The following VIPAS39 variants were observed in gnomAD, a reference collection of about 807,000 sequenced individuals.
VIPAS39 encodes VPS33B interacting protein, apical-basolateral polarity regulator, spe-39 homolog, also known as spermatogenesis-defective protein 39 homolog.
In VIPAS39, 63 loss-of-function variants were observed where a neutral mutation model predicts 84.7. The observed-to-expected ratio is 0.74, with a 90% CI of 0.61 to 0.92. The LOEUF (loss-of-function observed/expected upper bound fraction) is 0.92. VIPAS39 is among the 40% of genes least tolerant of loss of function. VIPAS39 has a pLI of 0.00. For missense variants in VIPAS39, 499 were observed against 604.5 expected (o/e 0.83, Z 1.83); for synonymous variants, 192 against 216.5 (o/e 0.89, Z 0.99).
Position 77,457,568 on chromosome 14 carries a change from G to T in VIPAS39, c.-74C>A. 3.2e-6 allele frequency: 2 copies of T among 617,832 alleles called. No homozygotes were observed. The highest frequency in any genetic ancestry group is 5.6e-6 in the Non-Finnish European group (2 of 353,992). 38.3% of individuals were successfully genotyped at this position (617,832 alleles called of 1,614,324 possible). ...CCGCTGGACCAGCCCTTCTATTCAG[G>T]CTGTGCAGCTTAGAGAAGGGGGCGG... On this transcript the variant is annotated 5_prime_UTR_variant, in exon 1 of 20. Coordinates refer to ENST00000557658, the MANE Select transcript of VIPAS39 (RefSeq NM_001193315.2).
At chr14:77,447,568 G>T (rs1295639885) in intron 7 of VIPAS39, among the ~76,000 whole-genome samples, 1 of 152,178 alleles carries the variant, frequency 6.6e-6, no homozygotes, top group Non-Finnish European at 1.5e-5. Context: ...AGATCTACAT[G>T]GGGAAAACAA....
At chr14:77,448,408 G>A in intron 7 of VIPAS39, 86 bp downstream of exon 7, 1 of 1,275,902 alleles carries the variant, frequency 7.8e-7, no homozygotes. Context: ...GAACAAATGA[G>A]AACTGAAGAG....
At chr14:77,446,618 G>A (rs1012836316) in intron 7 of VIPAS39, among the ~76,000 whole-genome samples, 1 of 152,096 alleles carries the variant, frequency 6.6e-6, no homozygotes, top group Non-Finnish European at 1.5e-5. Flanking sequence ...GAAGTATAAA[G>A]GATCTAGAAC....
chr14:77,456,446 C>T (rs113121312), intron 1 of VIPAS39, among the ~76,000 whole-genome samples: 12 of 152,156 alleles, frequency 7.9e-5, no homozygotes, highest in Non-Finnish European at 1.5e-4. Flanking sequence ...GTTCATAAAT[C>T]ACTCTGTCAT....
intron 1 of VIPAS39, among the ~76,000 whole-genome samples, chr14:77,454,714 C>A (rs187909570): frequency 2.7e-5 from 4 of 149,658 alleles, no homozygotes; most frequent in Admixed American, 6.7e-5. Flanking sequence ...GGGGACCCTA[C>A]AACAGAGCTA....
At chr14:77,436,708 G>A (rs1043681661) in intron 12 of VIPAS39, among the ~76,000 whole-genome samples, 1 of 152,150 alleles carries the variant, frequency 6.6e-6, no homozygotes, top group African/African-American at 2.4e-5. Flanking sequence ...CTCCCAAGGC[G>A]CTGGGATTAC....
chr14:77,456,770 G>A (rs2078967163), intron 1 of VIPAS39, among the ~76,000 whole-genome samples: 1 of 152,150 alleles, frequency 6.6e-6, no homozygotes, highest in Non-Finnish European at 1.5e-5. Flanking sequence ...TTTTAACCAT[G>A]CAATGGCAGT....
chr14:77,444,218 T>C, intron 8 of VIPAS39, 31 bp downstream of exon 8: 1 of 1,599,526 alleles, frequency 6.3e-7, no homozygotes, highest in Non-Finnish European at 8.6e-7. Context: ...AAACAATAAT[T>C]AAACAAACAA....
At chr14:77,428,716 T>G (rs544247862) in intron 18 of VIPAS39, among the ~76,000 whole-genome samples, 3 of 152,306 alleles carry the variant, frequency 2.0e-5, no homozygotes. Context: ...TGGGGTCCAG[T>G]GCCCACAGAA....
At chr14:77,430,760 A>G (rs1316797402) in intron 16 of VIPAS39, among the ~76,000 whole-genome samples, 12 of 152,000 alleles carry the variant, frequency 7.9e-5, no homozygotes, top group Admixed American at 7.9e-4. Context: ...GGTAGGAGGC[A>G]ACATGCTTCA....
In VIPAS39 at chr14:77,428,474, T is replaced by A; in HGVS notation, c.1357A>T (p.Thr453Ser). The change falls in exon 19 of 20, where the codon ACC becomes TCC. Residue 453 changes from threonine (T) to serine (S), a missense_variant and splice_region_variant. Physicochemically the swap from Thr to Ser is moderately conservative, Grantham distance 58. Coordinates refer to ENST00000557658, the MANE Select transcript of VIPAS39 (RefSeq NM_001193315.2). ...KFKCHDVVIDTYRDLKDRQQL... is the reference protein window; with the variant it reads ...KFKCHDVVIDSYRDLKDRQQL... ...TGACGATCCTTCAGGTCCCGGTAGG[T>A]CTGTGCATCAAAACAAACAATACAA... 1 of 1,613,758 alleles carries A rather than the reference T, an allele frequency of 6.2e-7. No individual in the cohort carries two copies. Among genetic ancestry groups the A allele is most frequent in the Non-Finnish European group, 8.5e-7 (1 of 1,179,866 alleles).
chr14:77,441,199 T>C (rs2078698243), intron 10 of VIPAS39, 106 bp from the exon 11 acceptor site: 5 of 1,215,326 alleles, frequency 4.1e-6, no homozygotes, highest in South Asian at 1.2e-5. Flanking sequence ...TTCAAACTCA[T>C]TTCCCTCTAT....
chr14:77,435,471 C>A (rs976245433), intron 13 of VIPAS39, 78 bp from the exon 14 acceptor site: 50 of 1,570,454 alleles, frequency 3.2e-5, no homozygotes, highest in Admixed American at 1.9e-5. Context: ...TCTTTTAATA[C>A]TACAGCAGTT....
At chr14:77,443,216 C>T (rs937784802) in intron 8 of VIPAS39, 64 bp from the exon 9 acceptor site, 24 of 1,589,288 alleles carry the variant, frequency 1.5e-5, no homozygotes, top group Non-Finnish European at 2.0e-5. Flanking sequence ...CTGAGCACTA[C>T]AGACACGGGG....
At chr14:77,435,793 G>A (rs750950796) in intron 13 of VIPAS39, 51 bp downstream of exon 13, 28 of 1,582,482 alleles carry the variant, frequency 1.8e-5, no homozygotes, top group Non-Finnish European at 2.3e-5. Context: ...GATGCTGAAC[G>A]GCACTGAGCC....
At position 77,427,453 on chromosome 14, in the gene VIPAS39, C is replaced by G; in HGVS notation, c.*163G>C. 1 of 764,188 alleles carries G rather than the reference C, an allele frequency of 1.3e-6. No homozygotes were observed. Among genetic ancestry groups the G allele is most frequent in the Non-Finnish European group, 2.2e-6 (1 of 452,648 alleles). 47.3% of individuals were successfully genotyped at this position (764,188 alleles called of 1,614,324 possible). A position where few individuals can be genotyped will look rare whatever the true frequency, so the allele number is the denominator to read the frequency against. On this transcript the variant is annotated 3_prime_UTR_variant, in exon 20 of 20. Coordinates refer to ENST00000557658, the MANE Select transcript of VIPAS39 (RefSeq NM_001193315.2). ...CGATCCTCAGATGATGTTCCTTGGA[C>G]AGAAGATCAGTCTGAAGTTATCTGT...
In VIPAS39 at chr14:77,434,248, CA is replaced by C; in HGVS notation, c.1089+13del. ...TGATCACTAGTTTCATAACACTGAC[CA>C]ATTTGTATCTACCTTAAATGTCTTC... On this transcript the variant is annotated intron_variant, in intron 15 of 19. Coordinates refer to ENST00000557658, the MANE Select transcript of VIPAS39 (RefSeq NM_001193315.2). 6.2e-7 allele frequency: 1 copy of C among 1,613,610 alleles called. No individual in the cohort carries two copies. The highest frequency in any genetic ancestry group is 1.3e-5 in the African/African-American group (1 of 74,996).
Position 77,451,170 on chromosome 14 carries a change from T to G in VIPAS39, c.343+17A>C. On this transcript the variant is annotated intron_variant, in intron 4 of 19. Transcript: ENST00000557658. Reference sequence around the variant, plus strand: ...AAAGAGAAGGACTTCCCTATCCATTTAAGCATCTCTCTTTACCTCTAAAAA... The same window carrying G: ...AAAGAGAAGGACTTCCCTATCCATTGAAGCATCTCTCTTTACCTCTAAAAA... 1 of 1,614,240 alleles carries G rather than the reference T, an allele frequency of 6.2e-7. No homozygotes were observed. The highest frequency in any genetic ancestry group is 8.5e-7 in the Non-Finnish European group (1 of 1,180,038).
rs138182834 is a variant in VIPAS39, at chr14:77,456,687, T to C, written c.-1+808A>G. 3.4e-3 allele frequency among the ~76,000 whole-genome samples: 520 copies of C among 152,360 alleles called. 4 individuals carry two copies. Among genetic ancestry groups the C allele is most frequent in the African/African-American group, 0.012 (489 of 41,586 alleles). ...AAAACTAGAGATCATTCCTTCACTATAGTAATTATCTACAGATAGACATAG... is the reference window on the plus strand; with the variant it reads ...AAAACTAGAGATCATTCCTTCACTACAGTAATTATCTACAGATAGACATAG... On this transcript the variant is annotated intron_variant, in intron 1 of 19. Transcript: ENST00000557658.
Sources: gnomAD v4.1 joint callset for allele counts (sites outside exome capture counted in the v4.1 genomes callset) on GRCh38, gnomAD v4.1.1 for gene constraint, MANE v1.5 for transcripts, NCBI Gene and HGNC (gene_info 2026-07-23, HGNC 2026-07-21) for gene names.